RYR2: variants seen among roughly 807,000 people sequenced by gnomAD.
RYR2 encodes the protein ryanodine receptor 2.
Under a neutral mutation model 601.1 loss-of-function variants are expected in RYR2, and 227 were observed. The ratio of observed to expected loss-of-function variants is 0.38; its 90% CI spans 0.34 to 0.42. The LOEUF is 0.42. Among genes scored for constraint, RYR2 ranks in the 10% least tolerant of loss-of-function variants. The pLI is 1.00. For synonymous variants in RYR2, 2,223 were observed against 2,175.1 expected, an observed-to-expected ratio of 1.02 and a Z score of -0.61; for missense variants, 4,646 against 6,156.5, an observed-to-expected ratio of 0.75 and a Z score of 8.21.
chr1:237,790,976 C>G (rs1434942026), intron 92 of RYR2, among the ~76,000 whole-genome samples: 2 of 152,038 alleles, frequency 1.3e-5, no homozygotes, highest in African/African-American at 4.8e-5. Flanking sequence ...AACACACCAA[C>G]ATCACTCCTA....
At chr1:237,814,958 CTTTTTTCTTTTTTTTTTT>C (rs1661639688) in intron 100 of RYR2, among the ~76,000 whole-genome samples, 1 of 122,616 alleles carries the variant, frequency 8.2e-6, no homozygotes, top group Admixed American at 8.4e-5. Flanking sequence ...CTCCTTTTTT[CTTTTTTCTTTTTTTTTTT>C]TTTTTTTTGC....
At chr1:237,695,864 G>A (rs1687377849) in intron 63 of RYR2, among the ~76,000 whole-genome samples, 1 of 152,152 alleles carries the variant, frequency 6.6e-6, no homozygotes, top group Non-Finnish European at 1.5e-5. Flanking sequence ...GTTGTGCTGT[G>A]TCTAAAAGGG....
At chr1:237,266,507 C>G (rs765619506) in intron 1 of RYR2, among the ~76,000 whole-genome samples, 4 of 152,200 alleles carry the variant, frequency 2.6e-5, no homozygotes, top group Non-Finnish European at 5.9e-5. Flanking sequence ...TGCATGCTGT[C>G]AGACCACAGT....
chr1:237,660,940 C>A lies in RYR2; in HGVS notation c.8429C>A (p.Thr2810Lys). ...AACCGGACTCGTCGTATTTCTCAGA[C>A]AAGCCAGGTAAGAATTCATCACGGT... is the stretch of plus-strand genomic sequence containing the variant. Reference protein sequence around the residue: ...LYNRTRRISQTSQVSVDAAHG... With the variant: ...LYNRTRRISQKSQVSVDAAHG... Residue 2810 changes from threonine (T) to lysine (K), a missense_variant, in exon 56 of 105, where the codon ACA (threonine) becomes AAA (lysine). By Grantham distance (78) the Thr-to-Lys change is moderately conservative. Transcript: ENST00000366574. 7.0e-7 allele frequency: 1 copy of A among 1,423,988 alleles called. No individual in the cohort carries two copies. Among genetic ancestry groups the A allele is most frequent in the Non-Finnish European group, 9.3e-7 (1 of 1,081,072 alleles). 88.2% of individuals were successfully genotyped at this position (1,423,988 alleles called of 1,614,324 possible). A position where few individuals can be genotyped will look rare whatever the true frequency, so the allele number is the denominator to read the frequency against.
intron 12 of RYR2, among the ~76,000 whole-genome samples, chr1:237,427,348 T>C (rs1706279436): frequency 6.6e-6 from 1 of 152,188 alleles, no homozygotes. Flanking sequence ...TGCTTATCAA[T>C]ATATATAAAT....
In RYR2 at chr1:237,376,127, A is replaced by G. The variant is rs186547874; in HGVS notation, c.464-1196A>G. Among the ~76,000 whole-genome samples the G allele has an allele frequency of 1.4e-4, 22 of 152,332 alleles. No individual in the cohort carries two copies. The East Asian group carries it at 4.2e-3, about 29-fold the overall frequency. ...TTAGCCAATAGTGGGTACACTATAA[A>G]TGTTTGAATGGATGAAAAGCTACCT... On this transcript the variant is annotated intron_variant, in intron 7 of 104. Transcript: ENST00000366574.
chr1:237,072,290 G>A (rs1388339015), intron 1 of RYR2, among the ~76,000 whole-genome samples: 1 of 152,228 alleles, frequency 6.6e-6, no homozygotes, highest in African/African-American at 2.4e-5. Context: ...TGGGATTACA[G>A]GCATGAACCA....
chr1:237,449,457 A>T (rs1027973811), intron 14 of RYR2, among the ~76,000 whole-genome samples: 6 of 152,128 alleles, frequency 3.9e-5, no homozygotes, highest in Non-Finnish European at 5.9e-5. Context: ...ACATTTATAG[A>T]TGTTATTAAT....
chr1:237,342,960 G>T (rs1697957982), intron 3 of RYR2, among the ~76,000 whole-genome samples: 1 of 152,196 alleles, frequency 6.6e-6, no homozygotes, highest in Non-Finnish European at 1.5e-5. Context: ...TGTAATGCAA[G>T]CACTTTGGGA....
intron 79 of RYR2, among the ~76,000 whole-genome samples, chr1:237,738,728 C>A (rs887150553): frequency 6.6e-6 from 1 of 151,744 alleles, no homozygotes; most frequent in Non-Finnish European, 1.5e-5. Flanking sequence ...GCAGATATAC[C>A]AGAGCTTATC....
At chr1:237,709,459 T>C in intron 69 of RYR2, 21 bp from the exon 70 acceptor site, 1 of 1,535,736 alleles carries the variant, frequency 6.5e-7, no homozygotes, top group Admixed American at 1.7e-5. Flanking sequence ...GAGAAACCAC[T>C]TTATTTATTA....
chr1:237,340,179 A>G (rs767519467), intron 3 of RYR2, among the ~76,000 whole-genome samples: 2 of 152,206 alleles, frequency 1.3e-5, no homozygotes, highest in Non-Finnish European at 1.5e-5. Flanking sequence ...ACCAACAAGT[A>G]AAATCTTTGC....
At chr1:237,591,626 C>G in intron 31 of RYR2, 113 bp from the exon 32 acceptor site, 1 of 808,292 alleles carries the variant, frequency 1.2e-6, no homozygotes, top group Non-Finnish European at 2.1e-6. Flanking sequence ...CCAGATGTCC[C>G]CCAGGGAGCA....
Position 237,478,675 on chromosome 1 carries a change from CT to C in RYR2, c.1708+9491del, listed in dbSNP as rs1253415382. Among the ~76,000 whole-genome samples, 3 of 152,236 alleles carry C rather than the reference CT, an allele frequency of 2.0e-5. No homozygotes were observed. In the South Asian group the frequency reaches 6.2e-4, roughly 32 times the overall value. On this transcript the variant is annotated intron_variant, in intron 17 of 104. Coordinates refer to ENST00000366574, the MANE Select transcript of RYR2 (RefSeq NM_001035.3). ...TTAACTTACTTAATCTACACAATAA[CT>C]TTATAAAGTGAATAATATTAGTATT...
Position 237,383,567 on chromosome 1 carries a change from C to A in RYR2, c.577-3714C>A, listed in dbSNP as rs556906293. 7.9e-5 allele frequency among the ~76,000 whole-genome samples: 12 copies of A among 151,468 alleles called. 1 individual carries two copies. The highest frequency in any genetic ancestry group is 7.9e-4 in the Admixed American group (12 of 15,204). On this transcript the variant is annotated intron_variant, in intron 8 of 104. Transcript: ENST00000366574. Reference sequence around the variant, plus strand: ...GCCTCAGCCTCCTGAGTAGCTGGGACTGTAGGTGCCTGCCACCACACCCGG... The same window carrying A: ...GCCTCAGCCTCCTGAGTAGCTGGGAATGTAGGTGCCTGCCACCACACCCGG...
chr1:237,739,423 A>G (rs534195862), intron 79 of RYR2, among the ~76,000 whole-genome samples: 5 of 152,250 alleles, frequency 3.3e-5, no homozygotes, highest in Non-Finnish European at 7.4e-5. Flanking sequence ...CTCTTGGACT[A>G]TTTGAAGCTG....
chr1:237,472,950 A>G (rs950154716), intron 17 of RYR2, among the ~76,000 whole-genome samples: 3 of 151,820 alleles, frequency 2.0e-5, no homozygotes, highest in Non-Finnish European at 2.9e-5. Flanking sequence ...TAGAGAAGAA[A>G]GGGTCTAATG....
At chr1:237,744,277 A>C (rs1026239476) in intron 80 of RYR2, among the ~76,000 whole-genome samples, 6 of 152,004 alleles carry the variant, frequency 3.9e-5, no homozygotes, top group African/African-American at 7.2e-5. Flanking sequence ...ATAAGGCTAT[A>C]TGGTAGGAAA....
At chr1:237,727,652 A>T (rs565047611) in intron 76 of RYR2, among the ~76,000 whole-genome samples, 1 of 152,300 alleles carries the variant, frequency 6.6e-6, no homozygotes, top group South Asian at 2.1e-4. Context: ...GGGTTGATGT[A>T]TACAGAGTGC....
Sources: gnomAD v4.1 joint callset for allele counts (sites outside exome capture counted in the v4.1 genomes callset) on GRCh38, gnomAD v4.1.1 for gene constraint, MANE v1.5 for transcripts, NCBI Gene and HGNC (gene_info 2026-07-23, HGNC 2026-07-21) for gene names.